The following ATF7IP2 variants were observed in gnomAD, a reference collection of about 807,000 sequenced individuals.
The protein encoded by ATF7IP2 is activating transcription factor 7 interacting protein 2.
A neutral mutation model predicts 64.2 loss-of-function variants in ATF7IP2; 42 were observed. The ratio of observed to expected loss-of-function variants is 0.65; its 90% CI spans 0.51 to 0.85. The LOEUF is 0.85. ATF7IP2 is among the 40% of genes least tolerant of loss of function. ATF7IP2 has a pLI of 0.00. For synonymous variants in ATF7IP2, 308 were observed against 272.8 expected, an observed-to-expected ratio of 1.13 and a Z score of -1.27; for missense variants, 933 against 784.2, an observed-to-expected ratio of 1.19 and a Z score of -2.27.
intron 3 of ATF7IP2, among the ~76,000 whole-genome samples, 177 bp from the exon 4 acceptor site, chr16:10,428,691 A>G (rs1343135809): frequency 2.6e-5 from 4 of 152,182 alleles, no homozygotes; most frequent in African/African-American, 9.7e-5. Context: ...CCAAAGTGCA[A>G]ATTATGGAAC....
chr16:10,440,011 T>C (rs1205724407), intron 7 of ATF7IP2, among the ~76,000 whole-genome samples: 2 of 151,752 alleles, frequency 1.3e-5, no homozygotes, highest in Non-Finnish European at 2.9e-5. Flanking sequence ...AAATACAAAA[T>C]TAGCCAGGTA....
Position 10,438,245 on chromosome 16 carries a change from G to T in ATF7IP2, c.1095+10G>T, listed in dbSNP as rs377397066. 24 of 1,593,762 alleles carry T rather than the reference G, an allele frequency of 1.5e-5. No individual in the cohort carries two copies. In the Admixed American group the frequency reaches 2.3e-4, roughly 16 times the overall value. Reference sequence around the variant, plus strand: ...AGCTGATAAACTTTTGGTAAGTTTTGATTTCATTTGAGTCTTTTTTAGGGG... The same window carrying T: ...AGCTGATAAACTTTTGGTAAGTTTTTATTTCATTTGAGTCTTTTTTAGGGG... On this transcript the variant is annotated intron_variant, in intron 7 of 13. Transcript: ENST00000562102.
intron 9 of ATF7IP2, among the ~76,000 whole-genome samples, chr16:10,459,298 C>T (rs2049290843): frequency 1.3e-5 from 2 of 151,924 alleles, no homozygotes; most frequent in South Asian, 2.1e-4. Context: ...GAAACGCCGT[C>T]TCTACTAAAA....
chr16:10,468,453 A>T (rs1364605171), intron 9 of ATF7IP2, among the ~76,000 whole-genome samples: 7 of 152,234 alleles, frequency 4.6e-5, no homozygotes, highest in African/African-American at 7.2e-5. Flanking sequence ...TTGTTCTACC[A>T]GGAGTTTAGG....
intron 7 of ATF7IP2, 75 bp downstream of exon 7, chr16:10,438,310 C>CA: frequency 7.1e-7 from 1 of 1,414,608 alleles, no homozygotes; most frequent in Non-Finnish European, 9.4e-7. Flanking sequence ...GGCTGCAGTA[C>CA]GGTGGCTCAC....
chr16:10,475,722 GAAAAAAAA>G (rs386384218), intron 12 of ATF7IP2, among the ~76,000 whole-genome samples: 1 of 41,644 alleles, frequency 2.4e-5, no homozygotes, highest in African/African-American at 1.2e-4. Flanking sequence ...TAAGAAGCCA[GAAAAAAAA>G]AAAAAAAAAA....
At chr16:10,410,907 C>T (rs946742900) in intron 1 of ATF7IP2, among the ~76,000 whole-genome samples, 1 of 152,098 alleles carries the variant, frequency 6.6e-6, no homozygotes, top group African/African-American at 2.4e-5. Context: ...TTTTGCTGAA[C>T]GTTTTAATCA....
rs550699407 is a variant in ATF7IP2, at chr16:10,471,575, G to C, written c.1353-535G>C. ...TAAAAAAAAAGGGTCAAAATGGCTT[G>C]AAATATTCTATAACCGTAATCAGCA... On this transcript the variant is annotated intron_variant, in intron 9 of 13. Transcript: ENST00000562102. Among the ~76,000 whole-genome samples the C allele has an allele frequency of 9.9e-5, 15 of 152,124 alleles. No homozygotes were observed. In the South Asian group the frequency reaches 3.1e-3, roughly 32 times the overall value.
chr16:10,472,290 T>G (rs1024770207), intron 10 of ATF7IP2, 107 bp downstream of exon 10: 13 of 502,424 alleles, frequency 2.6e-5, no homozygotes, highest in Non-Finnish European at 4.5e-5. Context: ...AATGAAAAAG[T>G]TAAATGTACT....
chr16:10,433,607 T>A lies in ATF7IP2; in HGVS notation c.918T>A (p.Asn306Lys). 2 of 1,613,750 alleles carry A rather than the reference T, an allele frequency of 1.2e-6. No homozygotes were observed. The highest frequency in any genetic ancestry group is 1.7e-6 in the Non-Finnish European group (2 of 1,179,764). The change falls in exon 6 of 14, where the codon AAT becomes AAA. Residue 306 changes from asparagine to lysine, a missense_variant. Coordinates refer to ENST00000562102, the MANE Select transcript of ATF7IP2 (RefSeq NM_001393719.1). ...RMKTSEQINENICVSLERQTA... is the reference protein window; with the variant it reads ...RMKTSEQINEKICVSLERQTA... ...AAACTTCAGAGCAAATTAATGAAAA[T>A]ATTTGTGTAAGTTTGGAAAGGCAAA...
intron 8 of ATF7IP2, among the ~76,000 whole-genome samples, chr16:10,442,715 G>A (rs557585184): frequency 1.3e-3 from 197 of 152,236 alleles, no homozygotes; most frequent in African/African-American, 4.5e-3. Context: ...TTCCTATCAC[G>A]ATACAGACTC....
At chr16:10,415,778 A>G (rs1401098046) in intron 2 of ATF7IP2, among the ~76,000 whole-genome samples, 6 of 152,360 alleles carry the variant, frequency 3.9e-5, no homozygotes, top group African/African-American at 7.2e-5. Context: ...TAATAATCCA[A>G]TTATACAATG....
chr16:10,395,582 A>G (rs2047405977), intron 1 of ATF7IP2, among the ~76,000 whole-genome samples: 2 of 152,218 alleles, frequency 1.3e-5, no homozygotes, highest in South Asian at 4.1e-4. Flanking sequence ...TAAAAGGATT[A>G]TACACCATGA....
At chr16:10,387,830 C>G (rs113065138) in intron 1 of ATF7IP2, 1 of 148,698 alleles carries the variant, frequency 6.7e-6, no homozygotes, top group Non-Finnish European at 1.5e-5. Flanking sequence ...TTACTCCCCC[C>G]CCCTCCCCCC....
intron 8 of ATF7IP2, among the ~76,000 whole-genome samples, chr16:10,443,540 T>C (rs1174381839): frequency 3.3e-5 from 5 of 152,352 alleles, no homozygotes; most frequent in African/African-American, 1.2e-4. Context: ...GAATATTCAA[T>C]TCATTCCATG....
chr16:10,461,196 G>C (rs1179263470), intron 9 of ATF7IP2, among the ~76,000 whole-genome samples: 1 of 152,032 alleles, frequency 6.6e-6, no homozygotes, highest in African/African-American at 2.4e-5. Context: ...TGACTACTGG[G>C]TATTGGTGAA....
Position 10,434,737 on chromosome 16 carries a change from G to T in ATF7IP2, c.960+1088G>T, listed in dbSNP as rs975375857. ...AAGGACCATGTTATTCAAGAAGAAG[G>T]TTGGGGATTCCAGCTGTGTCTTGTT... On this transcript the variant is annotated intron_variant, in intron 6 of 13. Coordinates refer to ENST00000562102, the MANE Select transcript of ATF7IP2 (RefSeq NM_001393719.1). Among the ~76,000 whole-genome samples the T allele has an allele frequency of 5.3e-5, 8 of 152,176 alleles. No individual in the cohort carries two copies. In the East Asian group the frequency reaches 9.6e-4, roughly 18 times the overall value.
chr16:10,432,131 C>T (rs988020319), intron 5 of ATF7IP2, among the ~76,000 whole-genome samples: 2 of 151,900 alleles, frequency 1.3e-5, no homozygotes, highest in African/African-American at 4.8e-5. Flanking sequence ...GCCACTGTGC[C>T]CAGCCAACCC....
intron 9 of ATF7IP2, among the ~76,000 whole-genome samples, chr16:10,463,919 C>T (rs1317024870): frequency 1.3e-5 from 2 of 152,158 alleles, no homozygotes; most frequent in African/African-American, 2.4e-5. Flanking sequence ...GGCACCCCTC[C>T]TATTGCTGGT....
Sources: gnomAD v4.1 joint callset for allele counts (sites outside exome capture counted in the v4.1 genomes callset) on GRCh38, gnomAD v4.1.1 for gene constraint, MANE v1.5 for transcripts, NCBI Gene and HGNC (gene_info 2026-07-23, HGNC 2026-07-21) for gene names.